The following L1CAM variants were observed in gnomAD, a reference collection of about 807,000 sequenced individuals.
The protein encoded by L1CAM is neural cell adhesion molecule L1.
A neutral mutation model predicts 93.0 loss-of-function variants in L1CAM; 8 were observed. The ratio of observed to expected loss-of-function variants is 0.09; its 90% CI spans 0.05 to 0.16. L1CAM has a LOEUF of 0.16. L1CAM is among the 10% of genes least tolerant of loss of function. The probability of loss-of-function intolerance (pLI) is 1.00; values close to 1 mark genes in which losing one functional copy is unlikely to be tolerated. For synonymous variants in L1CAM, 453 were observed against 453.0 expected (o/e 1.00, Z 0.00); for missense variants, 777 against 1,073.4 (o/e 0.72, Z 3.86).
chrX:153,879,916 C>G (rs1032284305), intron 1 of L1CAM, among the ~76,000 whole-genome samples: 1 of 112,144 alleles, frequency 8.9e-6, no homozygotes, highest in Non-Finnish European at 1.9e-5. Flanking sequence ...TGACCATGCA[C>G]TGAGTGGACA....
Position 153,864,566 on chromosome X carries a change from G to A in L1CAM, c.3166+19C>T. On this transcript the variant is annotated intron_variant, in intron 24 of 28. Transcript: ENST00000370060. Reference sequence around the variant, plus strand: ...AGCCCCCTTCCCCACCACGCCCCAAGGCCCCCTTTCACGCTTACCTCCCAA... The same window carrying A: ...AGCCCCCTTCCCCACCACGCCCCAAAGCCCCCTTTCACGCTTACCTCCCAA... The A allele has an allele frequency of 8.8e-7, 1 of 1,137,698 alleles. No homozygotes were observed. Among genetic ancestry groups the A allele is most frequent in the Non-Finnish European group, 1.2e-6 (1 of 832,732 alleles). The allele number at this position is 1,137,698 out of a possible 1,213,427, so 93.8% of individuals were successfully genotyped here.
Position 153,862,647 on chromosome X carries a change from C to T in L1CAM, c.*16G>A. On this transcript the variant is annotated 3_prime_UTR_variant, in exon 29 of 29. Transcript: ENST00000370060. Reference sequence around the variant, plus strand: ...TCCCAAGGCCAGGGGCACAGCATCTCCTGTCCTGGACTCCACTATTCTAGG... The same window carrying T: ...TCCCAAGGCCAGGGGCACAGCATCTTCTGTCCTGGACTCCACTATTCTAGG... 8.5e-7 allele frequency: 1 copy of T among 1,173,280 alleles called. No homozygotes were observed. Among genetic ancestry groups the T allele is most frequent in the Non-Finnish European group, 1.2e-6 (1 of 863,205 alleles).
intron 25 of L1CAM, 135 bp from the exon 26 acceptor site, chrX:153,864,152 A>G: frequency 9.9e-7 from 1 of 1,008,624 alleles, no homozygotes; most frequent in Non-Finnish European, 1.4e-6. Flanking sequence ...GCATCTGCGG[A>G]AAGGGTATGA....
chrX:153,865,048 G>GC, intron 22 of L1CAM, 40 bp downstream of exon 22: 1 of 1,211,649 alleles, frequency 8.3e-7, no homozygotes, highest in East Asian at 3.0e-5. Flanking sequence ...CCTCCCCGTG[G>GC]CCCCTCCACC....
intron 1 of L1CAM, chrX:153,884,250 A>G (rs781846992): frequency 9.9e-7 from 1 of 1,014,208 alleles, no homozygotes. Context: ...ACGACTGCCC[A>G]TCGCTGGGAT....
chrX:153,883,398 T>G (rs1414818627), intron 1 of L1CAM, among the ~76,000 whole-genome samples: 34 of 44,711 alleles, frequency 7.6e-4, no homozygotes, highest in Middle Eastern at 8.3e-3. Flanking sequence ...GCCCTGGGGG[T>G]GGGGCACAGG....
chrX:153,864,107 T>TG, intron 25 of L1CAM, 90 bp from the exon 26 acceptor site: 1 of 1,159,262 alleles, frequency 8.6e-7, no homozygotes, highest in South Asian at 1.8e-5. Flanking sequence ...TGGGGCCCTC[T>TG]GGGGGGCTAA....
rs1207700155 is a variant in L1CAM, at chrX:153,884,432, C to T, written c.-109+1633G>A. ...ACCAGGGAGGCTGGGGCGTGCTGAA[C>T]GTGTTTCCCTCTTGGTGATCAGATC... On this transcript the variant is annotated intron_variant, in intron 1 of 28. Transcript: ENST00000370060. The T allele has an allele frequency of 7.7e-5, 20 of 260,371 alleles. No homozygotes were observed. The Admixed American group carries it at 1.0e-3, about 13-fold the overall frequency. The allele number at this position is 260,371 out of a possible 1,213,427, so 21.5% of individuals were successfully genotyped here.
chrX:153,865,878 G>T, intron 19 of L1CAM, 59 bp from the exon 20 acceptor site: 1 of 786,303 alleles, frequency 1.3e-6, no homozygotes, highest in Non-Finnish European at 2.0e-6. Context: ...CCTGAGGCCA[G>T]GCCCAAGCCC....
At chrX:153,884,236 G>A (rs953767073) in intron 1 of L1CAM, 18 of 1,010,650 alleles carry the variant, frequency 1.8e-5, no homozygotes, top group Non-Finnish European at 2.1e-5. Flanking sequence ...CAGCTGCCCA[G>A]TACACGACTG....
intron 1 of L1CAM, chrX:153,880,625 C>G (rs916449644): frequency 3.2e-5 from 11 of 339,697 alleles, no homozygotes; most frequent in African/African-American, 2.7e-4. Context: ...ACCCTGTGCA[C>G]TGTGTCCCTT....
chrX:153,868,594 T>C lies in L1CAM; in HGVS notation c.1513A>G (p.Asn505Asp). The part of the protein sequence containing the change: ...YFCLAANDQN[N>D]VTIMANLKVK... ...TTCAGGTTAGCCATGATGGTAACAT[T>C]GTTTTGGTCATTGGCAGCCAGGCAG... Residue 505 changes from asparagine (N) to aspartate (D), a missense_variant, in exon 13 of 29, where the codon AAT becomes GAT. Physicochemically the swap from Asn to Asp is conservative, Grantham distance 23 (BLOSUM62 1). Coordinates refer to ENST00000370060, the MANE Select transcript of L1CAM (RefSeq NM_001278116.2). 3 of 1,211,946 alleles carry C rather than the reference T, an allele frequency of 2.5e-6. No homozygotes were observed. The highest frequency in any genetic ancestry group is 3.4e-6 in the Non-Finnish European group (3 of 895,490).
Position 153,869,604 on chromosome X carries a change from G to T in L1CAM, c.1183C>A (p.Gln395Lys). 8.3e-7 allele frequency: 1 copy of T among 1,210,099 alleles called. No individual in the cohort carries two copies. Among genetic ancestry groups the T allele is most frequent in the Non-Finnish European group, 1.1e-6 (1 of 894,682 alleles). Residue 395 changes from glutamine to lysine, a missense_variant, in exon 11 of 29, where the codon CAG (glutamine) becomes AAG (lysine). Physicochemically the swap from Gln to Lys is moderately conservative, Grantham distance 53. Around this residue, in one of 5 missense-constraint regions of L1CAM, gnomAD observed 574 missense variants for 781.0 expected, o/e 0.73. Transcript: ENST00000370060. ...TGGGTCACCATTGTGTCACTGGGCT[G>T]CACGTTGCTCAGGATCAGGGCGCCA... ...QRGALILSNV[Q>K]PSDTMVTQCE...
chrX:153,870,621 A>C (rs2148498512), intron 7 of L1CAM, 122 bp from the exon 8 acceptor site: 1 of 773,649 alleles, frequency 1.3e-6, no homozygotes, highest in African/African-American at 2.1e-5. Context: ...CATTAAGGAG[A>C]GTGTCCTGTC....
chrX:153,865,594 T>G, intron 20 of L1CAM, 94 bp from the exon 21 acceptor site: 1 of 1,029,798 alleles, frequency 9.7e-7, no homozygotes, highest in South Asian at 1.9e-5. Flanking sequence ...GACCCTCCTC[T>G]CAACCCAAGT....
At chrX:153,873,072 A>G (rs1292851292) in intron 3 of L1CAM, 156 bp downstream of exon 3, 5 of 566,937 alleles carry the variant, frequency 8.8e-6, no homozygotes, top group Non-Finnish European at 1.6e-5. Context: ...AGACAGAACA[A>G]AGCCAGCCCC....
At chrX:153,868,511 G>C in intron 13 of L1CAM, 50 bp downstream of exon 13, 1 of 1,211,773 alleles carries the variant, frequency 8.3e-7, no homozygotes, top group Non-Finnish European at 1.1e-6. Context: ...CAGAGGCCCA[G>C]ACCCTCCCTC....
Position 153,870,063 on chromosome X carries a change from G to A in L1CAM, c.984C>T (p.Thr328=), listed in dbSNP as rs200638763. 2.0e-4 allele frequency: 237 copies of A among 1,210,304 alleles called. No individual in the cohort carries two copies. In the Middle Eastern group the frequency reaches 2.5e-3, roughly 13 times the overall value. The change falls in exon 9 of 29, where the codon ACC becomes ACT. Residue 328 remains threonine, a synonymous_variant. Coordinates refer to ENST00000370060, the MANE Select transcript of L1CAM (RefSeq NM_001278116.2). ...LGSARHAYYV[T]VEAAPYWLHK... ...GTCCCAGGAGGTCCATACCCTCCACGGTGACATAGTACGCATGCCGGGCAC... is the reference window on the plus strand; with the variant it reads ...GTCCCAGGAGGTCCATACCCTCCACAGTGACATAGTACGCATGCCGGGCAC...
At chrX:153,882,634 T>C (rs1467624569) in intron 1 of L1CAM, among the ~76,000 whole-genome samples, 7 of 109,926 alleles carry the variant, frequency 6.4e-5, no homozygotes, top group Admixed American at 5.8e-4. Context: ...CTCAGTCCCT[T>C]TCCCTCAAGT....
Sources: gnomAD v4.1 joint callset for allele counts (sites outside exome capture counted in the v4.1 genomes callset) on GRCh38, gnomAD v4.1.1 for gene constraint, gnomAD v4.1.1 regional missense constraint, MANE v1.5 for transcripts, NCBI Gene and HGNC (gene_info 2026-07-23, HGNC 2026-07-21) for gene names.